The following KLHL11 variants were observed in gnomAD, a reference collection of about 807,000 sequenced individuals.
The protein encoded by KLHL11 is kelch-like protein 11.
Under a neutral mutation model 56.1 loss-of-function variants are expected in KLHL11, and 26 were observed. The ratio of observed to expected loss-of-function variants is 0.46; its 90% CI spans 0.34 to 0.64. The LOEUF (loss-of-function observed/expected upper bound fraction) is 0.64, where lower values mean the gene tolerates loss of function less well. Among genes scored for constraint, KLHL11 ranks in the 30% least tolerant of loss-of-function variants. KLHL11 has a pLI of 0.01. For missense variants in KLHL11, 627 were observed against 919.4 expected (o/e 0.68, Z 4.11); for synonymous variants, 338 against 345.8 (o/e 0.98, Z 0.25).
chr17:41,859,759 CAAAA>C (rs2048391454), intron 1 of KLHL11, among the ~76,000 whole-genome samples: 2 of 152,050 alleles, frequency 1.3e-5, no homozygotes, highest in African/African-American at 4.8e-5. Flanking sequence ...GGTTAAAAAA[CAAAA>C]GAAAGTGATC....
intron 1 of KLHL11, among the ~76,000 whole-genome samples, chr17:41,859,162 T>C (rs1283816029): frequency 6.6e-6 from 1 of 152,116 alleles, no homozygotes; most frequent in Non-Finnish European, 1.5e-5. Flanking sequence ...CTGAGAAGAT[T>C]TGTCCTGAAT....
chr17:41,863,356 C>A (rs1363434651), intron 1 of KLHL11, among the ~76,000 whole-genome samples: 1 of 152,032 alleles, frequency 6.6e-6, no homozygotes, highest in African/African-American at 2.4e-5. Flanking sequence ...CCACCACGCC[C>A]GGCTAATTTT....
chr17:41,865,332 GGCCGCCGCCGCCGCCGCCGCCACT>G lies in KLHL11; in HGVS notation c.15_38del (p.Val6_Ala13del). On this transcript the variant is annotated inframe_deletion, in exon 1 of 2. Transcript: ENST00000319121. ...CCAGTACCTGAAGAGATGCAGCCGC[GGCCGCCGCCGCCGCCGCCGCCACT>G]GCCGCAGCCGCCATCTTGACGCCGC... 6.9e-7 allele frequency: 1 copy of G among 1,442,318 alleles called. No individual in the cohort carries two copies. The highest frequency in any genetic ancestry group is 2.8e-5 in the East Asian group (1 of 35,980). The allele number at this position is 1,442,318 out of a possible 1,614,324, so 89.3% of individuals were successfully genotyped here. A position where few individuals can be genotyped will look rare whatever the true frequency, so the allele number is the denominator to read the frequency against.
chr17:41,857,919 C>T (rs1475454224), intron 1 of KLHL11, among the ~76,000 whole-genome samples: 3 of 152,114 alleles, frequency 2.0e-5, no homozygotes, highest in African/African-American at 4.8e-5. Flanking sequence ...TGGGTTCAAG[C>T]GATTCTCCTG....
Position 41,852,655 on chromosome 17 carries a change from A to G in KLHL11, c.*1085T>C, listed in dbSNP as rs186008885. Among the ~76,000 whole-genome samples the G allele has an allele frequency of 3.4e-3, 520 of 151,462 alleles. 6 individuals carry two copies. The highest frequency in any genetic ancestry group is 0.012 in the African/African-American group (501 of 41,312). The stretch of plus-strand genomic sequence containing the variant: ...AAAGCACAAAAATTAGCCAGGCGTG[A>G]TGGTGGGTACCTGTAATCCCAGCTA... On this transcript the variant is annotated 3_prime_UTR_variant, in exon 2 of 2. Transcript: ENST00000319121.
intron 1 of KLHL11, among the ~76,000 whole-genome samples, chr17:41,855,721 G>C (rs1396317782): frequency 6.7e-6 from 1 of 149,706 alleles, no homozygotes; most frequent in Non-Finnish European, 1.5e-5. Context: ...GGCCAGGCTG[G>C]TGTGCAGTGG....
Position 41,865,250 on chromosome 17 carries a change from G to A in KLHL11, c.121C>T (p.Arg41Ter). ...CCGAAGTCCACCGTGCCGCTGCCTC[G>A]GACCTCGGCGGCCAGTCCTGCCGAG... Reference protein sequence around the residue: ...AGSAGLAAEVRGSGTVDFGPG... With the variant: ...AGSAGLAAEV The change falls in exon 1 of 2, where the codon CGA (arginine) becomes TGA (stop). Residue 41 changes from arginine to a stop codon, truncating the protein, a stop_gained. Coordinates refer to ENST00000319121, the MANE Select transcript of KLHL11 (RefSeq NM_018143.3). LOFTEE classifies it high-confidence loss of function. 1 of 1,587,732 alleles carries A rather than the reference G, an allele frequency of 6.3e-7. No individual in the cohort carries two copies. The highest frequency in any genetic ancestry group is 8.5e-7 in the Non-Finnish European group (1 of 1,170,902).
chr17:41,858,164 C>T (rs1406449819), intron 1 of KLHL11, among the ~76,000 whole-genome samples: 2 of 151,394 alleles, frequency 1.3e-5, no homozygotes, highest in Non-Finnish European at 2.9e-5. Context: ...AGGCAAATCC[C>T]TATCCAAACT....
In KLHL11 at chr17:41,856,551, A is replaced by C. The variant is rs118096643; in HGVS notation, c.546-1230T>G. On this transcript the variant is annotated intron_variant, in intron 1 of 1. Transcript: ENST00000319121. The stretch of plus-strand genomic sequence containing the variant: ...ACAGCAACAACAACAACAACAACAA[A>C]AAACACCACCAAATTAGAAAATATT... Among the ~76,000 whole-genome samples, 568 of 152,170 alleles carry C rather than the reference A, an allele frequency of 3.7e-3. 3 individuals carry two copies. The highest frequency in any genetic ancestry group is 6.2e-3 in the Non-Finnish European group (422 of 68,004).
intron 1 of KLHL11, among the ~76,000 whole-genome samples, chr17:41,859,052 G>T (rs1295294010): frequency 6.6e-6 from 1 of 152,020 alleles, no homozygotes; most frequent in African/African-American, 2.4e-5. Flanking sequence ...TTTTCTCCAG[G>T]ATCATAGATT....
Position 41,849,572 on chromosome 17 carries a change from T to A in KLHL11, c.*4168A>T, listed in dbSNP as rs1362278136. On this transcript the variant is annotated 3_prime_UTR_variant, in exon 2 of 2. Coordinates refer to ENST00000319121, the MANE Select transcript of KLHL11 (RefSeq NM_018143.3). The stretch of plus-strand genomic sequence containing the variant: ...CCAGCTTCAAACTTCTGTTTTATAT[T>A]AAAAAGGTATATTTAAATTTTTTGG... 1 of 152,210 alleles carries A rather than the reference T, an allele frequency of 6.6e-6. No individual in the cohort carries two copies. The highest frequency in any genetic ancestry group is 1.5e-5 in the Non-Finnish European group (1 of 68,034). The allele number at this position is 152,210 out of a possible 1,614,324, so 9.4% of individuals were successfully genotyped here. A position where few individuals can be genotyped will look rare whatever the true frequency, so the allele number is the denominator to read the frequency against.
chr17:41,851,661 C>G lies in KLHL11; in HGVS notation c.*2079G>C, dbSNP rs2048332876. The stretch of plus-strand genomic sequence containing the variant: ...GGTGGCTCACACCTAATCCTAGCAC[C>G]CTGGGAGGCTGATACGGGTGGATCT... On this transcript the variant is annotated 3_prime_UTR_variant, in exon 2 of 2. Coordinates refer to ENST00000319121, the MANE Select transcript of KLHL11 (RefSeq NM_018143.3). 6.6e-6 allele frequency among the ~76,000 whole-genome samples: 1 copy of G among 151,578 alleles called. No homozygotes were observed. The highest frequency in any genetic ancestry group is 1.9e-4 in the East Asian group (1 of 5,140).
chr17:41,854,336 G>A lies in KLHL11; in HGVS notation c.1531C>T (p.Pro511Ser), dbSNP rs782080944. The change falls in exon 2 of 2, where the codon CCT becomes TCT. Residue 511 changes from proline to serine, a missense_variant. By Grantham distance (74) the Pro-to-Ser change is moderately conservative. This residue lies in a region of KLHL11 where 250 missense variants were observed against 360.6 expected (regional missense o/e 0.69). Transcript: ENST00000319121. The surrounding 1 kb of genome is among the most constrained non-coding windows in gnomAD (Gnocchi z 4.9). The part of the protein sequence containing the change: ...DRFVYIAART[P>S]VDRDTEDGLK... ...CCATCTTCAGTGTCCCGGTCTACAG[G>A]AGTGCGGGCGGCAATGTATACAAAC... The A allele has an allele frequency of 6.2e-7, 1 of 1,614,210 alleles. No individual in the cohort carries two copies. The highest frequency in any genetic ancestry group is 8.5e-7 in the Non-Finnish European group (1 of 1,180,044).
rs1555623414 is a variant in KLHL11 at position 41,865,134 on chromosome 17, C to A, written c.237G>T (p.Glu79Asp). The change falls in exon 1 of 2, where the codon GAG (glutamate) becomes GAT (aspartate). Residue 79 changes from glutamate (E) to aspartate (D), a missense_variant. Glu to Asp is a conservative substitution (Grantham distance 45). Transcript: ENST00000319121. ...EDFECSSHCS[E>D]LSWRQNEQRR... ...GCTGCTCGTTCTGCCGCCAGGACAG[C>A]TCTGAGCAGTGAGAGCTGCACTCGA... 6.2e-7 allele frequency: 1 copy of A among 1,610,656 alleles called. No individual in the cohort carries two copies. The highest frequency in any genetic ancestry group is 1.7e-5 in the Admixed American group (1 of 59,782).
In KLHL11 at chr17:41,865,324, G is replaced by T; in HGVS notation, c.47C>A (p.Ala16Glu). The change falls in exon 1 of 2, where the codon GCA becomes GAA. Residue 16 changes from alanine (A) to glutamate (E), a missense_variant. Ala to Glu is a moderately radical substitution (Grantham distance 107, BLOSUM62 -1). Around this residue, in one of 4 missense-constraint regions of KLHL11, gnomAD observed 121 missense variants for 116.2 expected, o/e 1.04. Coordinates refer to ENST00000319121, the MANE Select transcript of KLHL11 (RefSeq NM_018143.3). ...CTCCATCTCCAGTACCTGAAGAGAT[G>T]CAGCCGCGGCCGCCGCCGCCGCCGC... The part of the protein sequence containing the change: ...VAAAAAAAAA[A>E]SLQVLEMESM... The T allele has an allele frequency of 6.8e-7, 1 of 1,464,218 alleles. No homozygotes were observed. Among genetic ancestry groups the T allele is most frequent in the Non-Finnish European group, 8.9e-7 (1 of 1,122,564 alleles). 90.7% of individuals were successfully genotyped at this position (1,464,218 alleles called of 1,614,324 possible).
At chr17:41,858,987 G>A (rs1567874750) in intron 1 of KLHL11, among the ~76,000 whole-genome samples, 5 of 151,998 alleles carry the variant, frequency 3.3e-5, no homozygotes, top group African/African-American at 7.3e-5. Flanking sequence ...CAGAAGGAAC[G>A]CCCCCCTTAC....
Position 41,864,894 on chromosome 17 carries a change from C to G in KLHL11, c.477G>C (p.Glu159Asp). ...CGCGGATGCGCCCGGTGTACATGTACTCGATTACGGCTTCCACTGTGTCGG... is the reference window on the plus strand; with the variant it reads ...CGCGGATGCGCCCGGTGTACATGTAGTCGATTACGGCTTCCACTGTGTCGG... ...PEPDTVEAVI[E>D]YMYTGRIRVS... is the part of the protein sequence containing the mutation. Residue 159 changes from glutamate (E) to aspartate (D), a missense_variant, in exon 1 of 2, where the codon GAG (glutamate) becomes GAC (aspartate). By Grantham distance (45) the Glu-to-Asp change is conservative. Transcript: ENST00000319121. 1 of 1,607,774 alleles carries G rather than the reference C, an allele frequency of 6.2e-7. No homozygotes were observed. Among genetic ancestry groups the G allele is most frequent in the Non-Finnish European group, 8.5e-7 (1 of 1,177,224 alleles).
chr17:41,861,558 T>C (rs2048402814), intron 1 of KLHL11, among the ~76,000 whole-genome samples: 3 of 151,906 alleles, frequency 2.0e-5, no homozygotes, highest in African/African-American at 7.3e-5. Flanking sequence ...TGCTGGCAGA[T>C]GCCTGTAATC....
Position 41,865,297 on chromosome 17 carries a change from C to G in KLHL11, c.74G>C (p.Ser25Thr), listed in dbSNP as rs782098833. 12 of 1,563,994 alleles carry G rather than the reference C, an allele frequency of 7.7e-6. No individual in the cohort carries two copies. The South Asian group carries it at 1.4e-4, about 18-fold the overall frequency. ...CGAGCCGGCGGCGGCCGTCTCCATG[C>G]TCTCCATCTCCAGTACCTGAAGAGA... is the stretch of plus-strand genomic sequence containing the variant. ...AASLQVLEMESMETAAAGSAG... is the reference protein window; with the variant it reads ...AASLQVLEMETMETAAAGSAG... The change falls in exon 1 of 2, where the codon AGC becomes ACC. Residue 25 changes from serine (S) to threonine (T), a missense_variant. Ser to Thr is a moderately conservative substitution (Grantham distance 58). This residue lies in a region of KLHL11 where 121 missense variants were observed against 116.2 expected (regional missense o/e 1.04). Coordinates refer to ENST00000319121, the MANE Select transcript of KLHL11 (RefSeq NM_018143.3).
Sources: allele counts gnomAD v4.1 joint callset (sites outside exome capture counted in the v4.1 genomes callset), GRCh38; gene constraint gnomAD v4.1.1; regional missense constraint gnomAD v4.1.1; non-coding constraint Gnocchi (gnomAD v3.1); transcripts MANE v1.5; gene names NCBI Gene and HGNC (gene_info 2026-07-23, HGNC 2026-07-21).